Variants in MPP7 observed in about 807,000 individuals in gnomAD.
MPP7 encodes MAGUK p55 subfamily member 7.
Under a neutral mutation model 76.5 loss-of-function variants are expected in MPP7, and 60 were observed. The observed-to-expected ratio is 0.78, with a 90% CI of 0.64 to 0.97. The LOEUF is 0.97. Ranked by LOEUF, MPP7 falls within the 50% of genes least tolerant of loss-of-function variation. MPP7 has a pLI of 0.00. For missense variants in MPP7, 641 were observed against 694.0 expected, an observed-to-expected ratio of 0.92 and a Z score of 0.86; for synonymous variants, 237 against 244.5, an observed-to-expected ratio of 0.97 and a Z score of 0.29.
intron 12 of MPP7, among the ~76,000 whole-genome samples, chr10:28,073,469 G>A (rs1852331442): frequency 1.3e-5 from 2 of 152,032 alleles, no homozygotes; most frequent in South Asian, 4.1e-4. Flanking sequence ...TCCCAAAAAA[G>A]ATTAAAATCT....
chr10:28,077,991 T>G (rs1260424953), intron 12 of MPP7, among the ~76,000 whole-genome samples: 1 of 152,158 alleles, frequency 6.6e-6, no homozygotes, highest in Non-Finnish European at 1.5e-5. Context: ...ATTTTACAGA[T>G]GAGAACACTG....
intron 3 of MPP7, among the ~76,000 whole-genome samples, chr10:28,171,652 G>A (rs1442780289): frequency 6.6e-6 from 1 of 152,184 alleles, no homozygotes; most frequent in African/African-American, 2.4e-5. Context: ...CTTTTTAAGT[G>A]TACCGTATTT....
chr10:28,077,082 C>CAAAAAAA lies in MPP7; in HGVS notation c.1124-7237_1124-7231dup, dbSNP rs10577715. Among the ~76,000 whole-genome samples, 393 of 107,100 alleles carry CAAAAAAA rather than the reference C, an allele frequency of 3.7e-3. 1 individual carries two copies. The highest frequency in any genetic ancestry group is 0.01 in the African/African-American group (354 of 34,792). 70.3% of individuals were successfully genotyped at this position (107,100 alleles called of 152,430 possible). On this transcript the variant is annotated intron_variant, in intron 12 of 16. Transcript: ENST00000683449. ...TCTTATTCTTAAAAATCTCTAACTA[C>CAAAAAAA]AAAAAAAAAAAAAAAATCAACTCTC...
At chr10:28,242,309 A>G (rs1374150982) in intron 1 of MPP7, among the ~76,000 whole-genome samples, 1 of 152,208 alleles carries the variant, frequency 6.6e-6, no homozygotes, top group Non-Finnish European at 1.5e-5. Context: ...TTACATTTTC[A>G]AAACCTAATA....
intron 10 of MPP7, 62 bp from the exon 11 acceptor site, chr10:28,119,777 A>T: frequency 1.5e-6 from 2 of 1,303,200 alleles, no homozygotes; most frequent in Non-Finnish European, 2.2e-6. Flanking sequence ...TGAATACAAT[A>T]TCAAAATATT....
At chr10:28,144,899 GA>G (rs568288304) in intron 5 of MPP7, among the ~76,000 whole-genome samples, 2 of 151,688 alleles carry the variant, frequency 1.3e-5, no homozygotes, top group South Asian at 2.1e-4. Context: ...GGCATTAGAA[GA>G]AAAAAAATCT....
intron 4 of MPP7, 23 bp downstream of exon 4, chr10:28,149,959 T>C: frequency 6.2e-7 from 1 of 1,606,200 alleles, no homozygotes. Context: ...CACATCCCAG[T>C]GAGCTCGGAG....
At chr10:28,069,678 T>A (rs1478301919) in intron 13 of MPP7, 94 bp downstream of exon 13, 3 of 1,071,504 alleles carry the variant, frequency 2.8e-6, no homozygotes, top group East Asian at 5.6e-5. Context: ...CAAAAAATTT[T>A]AAAAACAAGT....
At chr10:28,107,275 C>A (rs1404577916) in intron 11 of MPP7, among the ~76,000 whole-genome samples, 1 of 152,170 alleles carries the variant, frequency 6.6e-6, no homozygotes, top group African/African-American at 2.4e-5. Flanking sequence ...TCTTGTGGGA[C>A]TGGGTCCCTG....
chr10:28,078,477 G>A (rs917103291), intron 12 of MPP7, among the ~76,000 whole-genome samples: 2 of 152,124 alleles, frequency 1.3e-5, no homozygotes, highest in Non-Finnish European at 2.9e-5. Flanking sequence ...GTAAGTAAAA[G>A]CCAAAAAGGC....
intron 2 of MPP7, among the ~76,000 whole-genome samples, chr10:28,224,658 G>A (rs1838629415): frequency 6.6e-6 from 1 of 151,924 alleles, no homozygotes; most frequent in Non-Finnish European, 1.5e-5. Context: ...CCCATTTAAC[G>A]TAGATTAATT....
rs371709152 is a variant in MPP7, at chr10:28,227,040, AAAG to A, written c.37+11525_37+11527del. On this transcript the variant is annotated intron_variant, in intron 2 of 16. Coordinates refer to ENST00000683449, the MANE Select transcript of MPP7 (RefSeq NM_001318170.2). ...TGCACGCAGGAGAAACATTGTAAGA[AAAG>A]AATACTCAGTGATTTTCTTTAGTTT... 1.7e-4 allele frequency among the ~76,000 whole-genome samples: 26 copies of A among 152,350 alleles called. No individual in the cohort carries two copies. The South Asian group carries it at 5.2e-3, about 30-fold the overall frequency.
chr10:28,270,483 C>T (rs980556755), intron 1 of MPP7, among the ~76,000 whole-genome samples: 1 of 137,418 alleles, frequency 7.3e-6, no homozygotes, highest in Non-Finnish European at 1.5e-5. Context: ...CGCAGGAATT[C>T]CAGACCAGCC....
chr10:28,226,380 G>A (rs905500800), intron 2 of MPP7, among the ~76,000 whole-genome samples: 2 of 152,036 alleles, frequency 1.3e-5, no homozygotes, highest in Non-Finnish European at 2.9e-5. Context: ...CTGAGTAGCT[G>A]GAATTAGAGG....
At chr10:28,128,887 CT>C (rs1003597073) in intron 6 of MPP7, among the ~76,000 whole-genome samples, 1 of 152,162 alleles carries the variant, frequency 6.6e-6, no homozygotes, top group African/African-American at 2.4e-5. Flanking sequence ...AATAAAATCA[CT>C]TTTGGAATGT....
intron 6 of MPP7, among the ~76,000 whole-genome samples, chr10:28,128,387 T>C (rs1039207405): frequency 1.3e-5 from 2 of 152,218 alleles, no homozygotes; most frequent in Non-Finnish European, 2.9e-5. Flanking sequence ...TTGGAGCTCA[T>C]GTCTGCACTC....
upstream of MPP7, chr10:28,307,580 A>G (rs1841266047): frequency 6.6e-6 from 1 of 152,140 alleles, no homozygotes; most frequent in African/African-American, 2.4e-5. Context: ...ATCTGTCCCC[A>G]CCCCTGGATG....
In MPP7 at chr10:28,201,704, A is replaced by G. The variant is rs937339815; in HGVS notation, c.156+449T>C. The stretch of plus-strand genomic sequence containing the variant: ...CCACTTCAATGGAGTTCTGCCAATA[A>G]AAGGAACAGCTTACTAGAATTTCAG... On this transcript the variant is annotated intron_variant, in intron 3 of 16. Transcript: ENST00000683449. 3.9e-5 allele frequency among the ~76,000 whole-genome samples: 6 copies of G among 152,190 alleles called. No homozygotes were observed. The East Asian group carries it at 5.8e-4, about 15-fold the overall frequency.
chr10:28,147,631 A>C lies in MPP7; in HGVS notation c.235-68T>G, dbSNP rs1335002816. The C allele has an allele frequency of 3.0e-6, 4 of 1,348,136 alleles. No homozygotes were observed. In the Admixed American group the frequency reaches 6.7e-5, roughly 23 times the overall value. The allele number at this position is 1,348,136 out of a possible 1,614,324, so 83.5% of individuals were successfully genotyped here. On this transcript the variant is annotated intron_variant, in intron 4 of 16. Coordinates refer to ENST00000683449, the MANE Select transcript of MPP7 (RefSeq NM_001318170.2). ...GCATTGTGGGATTGGGTGTGTGACAACTGAGAATCTAACTTGCTCAAGGCT... is the reference window on the plus strand; with the variant it reads ...GCATTGTGGGATTGGGTGTGTGACACCTGAGAATCTAACTTGCTCAAGGCT...
Sources: allele counts gnomAD v4.1 joint callset (sites outside exome capture counted in the v4.1 genomes callset), GRCh38; gene constraint gnomAD v4.1.1; transcripts MANE v1.5; gene names NCBI Gene and HGNC (gene_info 2026-07-23, HGNC 2026-07-21).